The following C4orf50 variants were observed in gnomAD, a reference collection of about 807,000 sequenced individuals.
The protein encoded by C4orf50 is chromosome 4 open reading frame 50.
A neutral mutation model predicts 77.2 loss-of-function variants in C4orf50; 80 were observed. The observed-to-expected ratio is 1.04, with a 90% CI of 0.87 to 1.25. C4orf50 has a LOEUF of 1.25. Among genes scored for constraint, C4orf50 ranks in the 50% most tolerant of loss-of-function variants. The pLI is 0.00. For synonymous variants in C4orf50, 532 were observed against 465.3 expected (o/e 1.14, Z -1.84); for missense variants, 1,257 against 1,152.9 (o/e 1.09, Z -1.31).
rs1321563153 is a variant in C4orf50 at position 6,008,499 on chromosome 4, A to G, written c.460T>C (p.Trp154Arg). 1 of 397,960 alleles carries G rather than the reference A, an allele frequency of 2.5e-6. No individual in the cohort carries two copies. The highest frequency in any genetic ancestry group is 3.6e-5 in the East Asian group (1 of 28,020). The allele number at this position is 397,960 out of a possible 1,614,324, so 24.7% of individuals were successfully genotyped here. A position where few individuals can be genotyped will look rare whatever the true frequency, so the allele number is the denominator to read the frequency against. ...CGCTCCTGCAACCGCCGCAGCCGCC[A>G]CTGCTGCCGCCTGGCCACGCTCTCC... The change falls in exon 25 of 34, where the codon TGG (tryptophan) becomes CGG (arginine). Residue 154 changes from tryptophan to arginine, a missense_variant. Physicochemically the swap from Trp to Arg is moderately radical, Grantham distance 101. Transcript: ENST00000531445. This position sits in a 1 kb window ranked among gnomAD's most constrained non-coding sequence, Gnocchi z 6.0.
intron 33 of C4orf50, among the ~76,000 whole-genome samples, chr4:5,959,994 G>T (rs1033485557): frequency 6.6e-6 from 1 of 152,158 alleles, no homozygotes; most frequent in Non-Finnish European, 1.5e-5. Context: ...CTTGAAAGGG[G>T]AAGTCATGTC....
chr4:6,009,525 G>T lies in C4orf50; in HGVS notation c.427-993C>A, dbSNP rs542078849. ...ATTCCCTGGGAGGACAATTCTCCTG[G>T]TCTTCCTGAAGGCGTGTATTCTGTA... is the stretch of plus-strand genomic sequence containing the variant. On this transcript the variant is annotated intron_variant, in intron 24 of 33. Coordinates refer to ENST00000531445, the Ensembl canonical transcript of C4orf50. This position sits in a 1 kb window ranked among gnomAD's most constrained non-coding sequence, Gnocchi z 5.6. Among the ~76,000 whole-genome samples, 1 of 152,292 alleles carries T rather than the reference G, an allele frequency of 6.6e-6. No individual in the cohort carries two copies. The highest frequency in any genetic ancestry group is 2.4e-5 in the African/African-American group (1 of 41,562).
At chr4:5,996,908 T>C (rs1459702431) in intron 25 of C4orf50, among the ~76,000 whole-genome samples, 2 of 152,226 alleles carry the variant, frequency 1.3e-5, no homozygotes, top group African/African-American at 4.8e-5. Flanking sequence ...TCTTTATCCA[T>C]TTGGTTCCCA....
rs377419437 is a variant in C4orf50 at position 5,991,302 on chromosome 4, C to T, written c.1222-478G>A. On this transcript the variant is annotated intron_variant, in intron 27 of 33. Coordinates refer to ENST00000531445, the Ensembl canonical transcript of C4orf50. ...AAATCAAGGTTAACATTCAGTTCTA[C>T]GGTGGCAATAGCCCCATGTGGCTCG... is the stretch of plus-strand genomic sequence containing the variant. Among the ~76,000 whole-genome samples, 9 of 152,324 alleles carry T rather than the reference C, an allele frequency of 5.9e-5. No individual in the cohort carries two copies. In the East Asian group the frequency reaches 1.5e-3, roughly 26 times the overall value.
intron 7 of C4orf50, among the ~76,000 whole-genome samples, chr4:5,935,689 G>C (rs183296777): frequency 0.023 from 3,510 of 149,378 alleles, 48 homozygotes; most frequent in South Asian, 0.035. Context: ...GGGAGGCTGA[G>C]GCAGGAGAAT....
chr4:5,966,037 G>T (rs1246958367), intron 32 of C4orf50, among the ~76,000 whole-genome samples: 1 of 152,188 alleles, frequency 6.6e-6, no homozygotes, highest in African/African-American at 2.4e-5. Flanking sequence ...GCCCCATCCC[G>T]CCCCCACGCT....
chr4:6,007,965 A>G lies in C4orf50; in HGVS notation c.963+31T>C, dbSNP rs1309581831. ...TGGAGGAGAAGGAGAAAGGCAAAAG[A>G]TCATTCCTACCCTGAGTTCCCGCCA... On this transcript the variant is annotated intron_variant, in intron 25 of 33. Transcript: ENST00000531445. This position sits in a 1 kb window ranked among gnomAD's most constrained non-coding sequence, Gnocchi z 4.1. 14 of 399,102 alleles carry G rather than the reference A, an allele frequency of 3.5e-5. No individual in the cohort carries two copies. Among genetic ancestry groups the G allele is most frequent in the Non-Finnish European group, 5.3e-5 (12 of 226,254 alleles). 24.7% of individuals were successfully genotyped at this position (399,102 alleles called of 1,614,324 possible).
chr4:5,989,001 C>A, exon 28 of C4orf50: 1 of 1,536,034 alleles, frequency 6.5e-7, no homozygotes, highest in Non-Finnish European at 8.7e-7. Flanking sequence ...CTTCAAGCTC[C>A]AAAATTTTGC....
rs1722483038 is a variant in C4orf50 at position 6,011,260 on chromosome 4, C to T, written c.426+570G>A. On this transcript the variant is annotated intron_variant, in intron 24 of 33. Coordinates refer to ENST00000531445, the Ensembl canonical transcript of C4orf50. This position sits in a 1 kb window ranked among gnomAD's most constrained non-coding sequence, Gnocchi z 4.2. ...ATGCAGCGGAGTTGGCCACCTGGCC[C>T]CTCTGGAACTTTCCGACTCACCCAC... Among the ~76,000 whole-genome samples the T allele has an allele frequency of 6.6e-6, 1 of 152,168 alleles. No individual in the cohort carries two copies. The highest frequency in any genetic ancestry group is 6.5e-5 in the Admixed American group (1 of 15,286).
intron 7 of C4orf50, among the ~76,000 whole-genome samples, chr4:5,934,990 G>A (rs988819082): frequency 2.0e-5 from 3 of 152,210 alleles, no homozygotes; most frequent in African/African-American, 7.2e-5. Context: ...TTCTCCAGCT[G>A]TAAAACATGG....
rs115444863 is a variant in C4orf50, at chr4:5,937,193, A to G, written c.*2474+19708T>C. On this transcript the variant is annotated intron_variant, in intron 7 of 7. Coordinates refer to the C4orf50 transcript ENST00000324058. ...GCAACTAAAGAAACTGGTAAATCTA[A>G]AAAAGTATTAACTATATAAAATAAT... Among the ~76,000 whole-genome samples, 720 of 152,278 alleles carry G rather than the reference A, an allele frequency of 4.7e-3. 1 individual carries two copies. The highest frequency in any genetic ancestry group is 8.0e-3 in the Non-Finnish European group (541 of 68,018).
Position 6,017,285 on chromosome 4 carries a change from G to C in C4orf50, c.287+860C>G, listed in dbSNP as rs948193537. On this transcript the variant is annotated intron_variant, in intron 23 of 33. Transcript: ENST00000531445. This position sits in a 1 kb window ranked among gnomAD's most constrained non-coding sequence, Gnocchi z 4.7. ...CCCTGGGGCTGGACAGCCACACAGG[G>C]AAGAGACGATGTTACCAGGGCAGGG... 5.3e-5 allele frequency among the ~76,000 whole-genome samples: 8 copies of C among 152,236 alleles called. No individual in the cohort carries two copies. The highest frequency in any genetic ancestry group is 1.2e-4 in the Non-Finnish European group (8 of 68,038).
chr4:5,901,288 A>G lies in C4orf50; in HGVS notation c.*2475-3100T>C, dbSNP rs991953520. ...TTAATGACATGAGTAAAGTATATGC[A>G]CAACATGTAATTCTGCAAAATGCCT... is the stretch of plus-strand genomic sequence containing the variant. On this transcript the variant is annotated intron_variant, in intron 7 of 7. Transcript: ENST00000324058. The surrounding 1 kb of genome is among the most constrained non-coding windows in gnomAD (Gnocchi z 4.4). The G allele has an allele frequency of 2.6e-5, 4 of 152,272 alleles. No homozygotes were observed. The highest frequency in any genetic ancestry group is 9.6e-5 in the African/African-American group (4 of 41,468). 9.4% of individuals were successfully genotyped at this position (152,272 alleles called of 1,614,324 possible).
At position 5,997,765 on chromosome 4, in the gene C4orf50, C is replaced by A. The variant is rs114006398; in HGVS notation, c.964-3289G>T. ...GACATTTTCCTATGCATAGACATTG[C>A]GAAAGTTCTATTTATACAAAATGTA... is the stretch of plus-strand genomic sequence containing the variant. On this transcript the variant is annotated intron_variant, in intron 25 of 33. Coordinates refer to ENST00000531445, the Ensembl canonical transcript of C4orf50. Among the ~76,000 whole-genome samples, 542 of 152,250 alleles carry A rather than the reference C, an allele frequency of 3.6e-3. 2 individuals carry two copies. The highest frequency in any genetic ancestry group is 0.011 in the South Asian group (51 of 4,830).
chr4:5,935,403 T>C (rs1308678055), intron 7 of C4orf50, among the ~76,000 whole-genome samples: 1 of 152,190 alleles, frequency 6.6e-6, no homozygotes, highest in Non-Finnish European at 1.5e-5. Context: ...GATGTAACCA[T>C]AGCCCTATAT....
chr4:5,997,528 T>C (rs1288858585), intron 25 of C4orf50, among the ~76,000 whole-genome samples: 1 of 152,180 alleles, frequency 6.6e-6, no homozygotes, highest in Non-Finnish European at 1.5e-5. Flanking sequence ...AGAGCTCAGG[T>C]TTCTAAACCT....
At chr4:5,976,749 A>C (rs1164749977) in intron 29 of C4orf50, among the ~76,000 whole-genome samples, 1 of 152,220 alleles carries the variant, frequency 6.6e-6, no homozygotes, top group African/African-American at 2.4e-5. Context: ...GAACCTATCC[A>C]TGTAAAGTGC....
intron 7 of C4orf50, among the ~76,000 whole-genome samples, chr4:5,928,444 A>G (rs6810570): frequency 0.028 from 4,278 of 152,200 alleles, 76 homozygotes; most frequent in African/African-American, 0.042. Context: ...CAGGTCACCA[A>G]GGGAGTTCGT....
chr4:5,980,103 G>A, intron 29 of C4orf50, 71 bp downstream of exon 7: 1 of 1,346,052 alleles, frequency 7.4e-7, no homozygotes, highest in Non-Finnish European at 1.0e-6. Flanking sequence ...GCAAATCTTT[G>A]TTCACTCCCA....
Sources: allele counts gnomAD v4.1 joint callset (sites outside exome capture counted in the v4.1 genomes callset), GRCh38; gene constraint gnomAD v4.1.1; non-coding constraint Gnocchi (gnomAD v3.1); transcripts MANE v1.5; gene names NCBI Gene and HGNC (gene_info 2026-07-23, HGNC 2026-07-21).